The following GPC5 variants were observed in gnomAD, a reference collection of about 807,000 sequenced individuals.
GPC5 encodes the protein glypican-5.
GPC5 carries 47 observed loss-of-function variants against 53.9 expected under a neutral mutation model. That is an observed-to-expected ratio of 0.87 (90% CI 0.69 to 1.11). The LOEUF is 1.11. Among genes scored for constraint, GPC5 ranks in the 50% most tolerant of loss-of-function variants. The probability of loss-of-function intolerance (pLI) is 0.00; values close to 1 mark genes in which losing one functional copy is unlikely to be tolerated. For missense variants in GPC5, 748 were observed against 713.1 expected, an observed-to-expected ratio of 1.05 and a Z score of -0.56; for synonymous variants, 286 against 263.3, an observed-to-expected ratio of 1.09 and a Z score of -0.84.
Position 91,603,775 on chromosome 13 carries a change from CTCTT to C in GPC5, c.326-89408_326-89405del, listed in dbSNP as rs374705272. 8.4e-3 allele frequency among the ~76,000 whole-genome samples: 1,286 copies of C among 152,238 alleles called. 18 individuals carry two copies. The highest frequency in any genetic ancestry group is 0.029 in the African/African-American group (1,209 of 41,540). ...GAGAACATACAATATGGACTTATCT[CTCTT>C]TCTATCTGGATATAGATATAAATAC... is the stretch of plus-strand genomic sequence containing the variant. On this transcript the variant is annotated intron_variant, in intron 2 of 7. Coordinates refer to ENST00000377067, the MANE Select transcript of GPC5 (RefSeq NM_004466.6).
At chr13:92,420,426 A>G (rs981784779) in intron 7 of GPC5, among the ~76,000 whole-genome samples, 7 of 152,112 alleles carry the variant, frequency 4.6e-5, no homozygotes, top group African/African-American at 1.7e-4. Context: ...ATGTTTTGAT[A>G]CAGGCATTCA....
chr13:91,497,285 C>T lies in GPC5; in HGVS notation c.325+48363C>T, dbSNP rs1411748284. ...TATGTGTCAGCTATTATACTGAAGT[C>T]AGATATAGTTTATGCTTCAGATATT... On this transcript the variant is annotated intron_variant, in intron 2 of 7. Transcript: ENST00000377067. 1.2e-4 allele frequency among the ~76,000 whole-genome samples: 18 copies of T among 149,242 alleles called. No homozygotes were observed. In the South Asian group the frequency reaches 3.0e-3, roughly 25 times the overall value.
At chr13:91,479,378 A>C (rs1276547474) in intron 2 of GPC5, among the ~76,000 whole-genome samples, 1 of 152,162 alleles carries the variant, frequency 6.6e-6, no homozygotes, top group Admixed American at 6.6e-5. Context: ...GTGGAGCATA[A>C]TATATGTCAG....
intron 7 of GPC5, among the ~76,000 whole-genome samples, chr13:92,260,716 C>T (rs2042760520): frequency 6.6e-6 from 1 of 152,140 alleles, no homozygotes; most frequent in African/African-American, 2.4e-5. Context: ...TCCCTTTCCT[C>T]CTGTCTCTTC....
At chr13:91,566,940 T>TTTTC (rs1198176387) in intron 2 of GPC5, among the ~76,000 whole-genome samples, 3 of 151,838 alleles carry the variant, frequency 2.0e-5, no homozygotes, top group Non-Finnish European at 4.4e-5. Context: ...TCTTTTTTTT[T>TTTTC]TTTTTTGAGA....
intron 7 of GPC5, among the ~76,000 whole-genome samples, chr13:92,406,461 A>G (rs1189724378): frequency 1.3e-5 from 2 of 152,188 alleles, no homozygotes; most frequent in African/African-American, 4.8e-5. Context: ...AGCTATATCA[A>G]CTTGGAGATC....
chr13:92,762,343 A>T (rs565869191), intron 7 of GPC5, among the ~76,000 whole-genome samples: 3 of 152,150 alleles, frequency 2.0e-5, no homozygotes, highest in Non-Finnish European at 4.4e-5. Flanking sequence ...AAAGTAGTCT[A>T]TAATAACTAT....
chr13:92,805,699 A>G lies in GPC5; in HGVS notation c.1562-60583A>G, dbSNP rs143726500. 1.2e-4 allele frequency among the ~76,000 whole-genome samples: 19 copies of G among 152,104 alleles called. 1 individual carries two copies. The East Asian group carries it at 3.5e-3, about 28-fold the overall frequency. Reference sequence around the variant, plus strand: ...GTGATTCTCCCAGTTTGGTCTCCCAAAGTGCTGGGAATACAGGCATGAGAC... The same window carrying G: ...GTGATTCTCCCAGTTTGGTCTCCCAGAGTGCTGGGAATACAGGCATGAGAC... On this transcript the variant is annotated intron_variant, in intron 7 of 7. Coordinates refer to ENST00000377067, the MANE Select transcript of GPC5 (RefSeq NM_004466.6).
chr13:91,423,123 T>G (rs1285226911), intron 1 of GPC5, among the ~76,000 whole-genome samples: 1 of 152,194 alleles, frequency 6.6e-6, no homozygotes, highest in Admixed American at 6.5e-5. Context: ...ATCATGGATT[T>G]CTTGATACAG....
intron 5 of GPC5, among the ~76,000 whole-genome samples, chr13:91,811,510 C>T (rs963567110): frequency 1.3e-5 from 2 of 151,982 alleles, no homozygotes; most frequent in African/African-American, 4.8e-5. Context: ...AACCTATAAG[C>T]TCTATTGGTG....
chr13:92,743,114 C>A (rs1323114330), intron 7 of GPC5, among the ~76,000 whole-genome samples: 2 of 149,602 alleles, frequency 1.3e-5, no homozygotes, highest in African/African-American at 4.9e-5. Context: ...TTTTTCAATT[C>A]TGTGAAGAAA....
At chr13:91,457,546 C>G (rs958764377) in intron 2 of GPC5, among the ~76,000 whole-genome samples, 1 of 152,042 alleles carries the variant, frequency 6.6e-6, no homozygotes, top group Non-Finnish European at 1.5e-5. Flanking sequence ...GGTGACCACA[C>G]TCAATAGCCA....
At position 92,378,786 on chromosome 13, in the gene GPC5, AT is replaced by A. The variant is rs1165978642; in HGVS notation, c.1561+233803del. On this transcript the variant is annotated intron_variant, in intron 7 of 7. Transcript: ENST00000377067. ...TTTTAAGCACCCTAAGCACTGGGAT[AT>A]TTTTTCCCAAGTGTATAATATAGTT... Among the ~76,000 whole-genome samples the A allele has an allele frequency of 5.3e-5, 8 of 152,256 alleles. No homozygotes were observed. The East Asian group carries it at 5.8e-4, about 11-fold the overall frequency.
chr13:91,972,650 A>C (rs1471528023), intron 6 of GPC5, among the ~76,000 whole-genome samples: 2 of 152,230 alleles, frequency 1.3e-5, no homozygotes, highest in Admixed American at 6.5e-5. Flanking sequence ...GAGCTCTTTT[A>C]GGGCAGGCCT....
At chr13:92,229,860 G>A (rs2042517224) in intron 7 of GPC5, among the ~76,000 whole-genome samples, 1 of 152,052 alleles carries the variant, frequency 6.6e-6, no homozygotes, top group Admixed American at 6.5e-5. Context: ...AGTTGGTGTA[G>A]GTGCCACTTG....
intron 5 of GPC5, among the ~76,000 whole-genome samples, chr13:91,887,603 A>T (rs2039339362): frequency 6.6e-6 from 1 of 152,040 alleles, no homozygotes; most frequent in Admixed American, 6.5e-5. Context: ...TTTGCCACTT[A>T]GAAATTTCTT....
chr13:92,797,283 T>C (rs1374533818), intron 7 of GPC5, among the ~76,000 whole-genome samples: 1 of 151,914 alleles, frequency 6.6e-6, no homozygotes. Flanking sequence ...TCAACAAAAA[T>C]TACCACTTTC....
intron 6 of GPC5, among the ~76,000 whole-genome samples, chr13:92,140,164 G>GA (rs374447874): frequency 1.6e-4 from 25 of 152,272 alleles, no homozygotes; most frequent in African/African-American, 5.8e-4. Flanking sequence ...CTATGTGAAG[G>GA]AAAAACAGCA....
intron 5 of GPC5, among the ~76,000 whole-genome samples, chr13:91,812,523 TAGAA>T (rs1164452763): frequency 2.0e-5 from 3 of 152,230 alleles, no homozygotes; most frequent in African/African-American, 7.2e-5. Flanking sequence ...AACAAGGACT[TAGAA>T]AGCTTAAATA....
Sources: gnomAD v4.1 joint callset for allele counts (sites outside exome capture counted in the v4.1 genomes callset) on GRCh38, gnomAD v4.1.1 for gene constraint, MANE v1.5 for transcripts, NCBI Gene and HGNC (gene_info 2026-07-23, HGNC 2026-07-21) for gene names.